NCKAP5: variants seen among roughly 807,000 people sequenced by gnomAD.
NCKAP5 encodes NCK associated protein 5.
Under a neutral mutation model 167.0 loss-of-function variants are expected in NCKAP5, and 92 were observed. That is an observed-to-expected ratio of 0.55 (90% CI 0.47 to 0.66). The LOEUF is 0.66. Ranked by LOEUF, NCKAP5 falls within the 30% of genes least tolerant of loss-of-function variation. The pLI is 0.00. For missense variants in NCKAP5, 2,378 were observed against 2,315.0 expected (o/e 1.03, Z -0.56); for synonymous variants, 891 against 877.4 (o/e 1.02, Z -0.27).
rs111830846 is a variant in NCKAP5, at chr2:133,347,598, T to TATAAC, written c.70-44489_70-44488insGTTAT. 3.4e-3 allele frequency among the ~76,000 whole-genome samples: 510 copies of TATAAC among 149,954 alleles called. 7 individuals carry two copies. The highest frequency in any genetic ancestry group is 0.012 in the African/African-American group (493 of 41,000). ...AAATAATTAATATAATATAATATAA[T>TATAAC]ATAATAAAGTATAAATATTCTACAA... On this transcript the variant is annotated intron_variant, in intron 3 of 19. Transcript: ENST00000409261.
At chr2:132,678,475 G>A (rs1054174529) in intron 19 of NCKAP5, among the ~76,000 whole-genome samples, 6 of 152,116 alleles carry the variant, frequency 3.9e-5, no homozygotes, top group Non-Finnish European at 7.4e-5. Flanking sequence ...CTTAGCACAA[G>A]TTAATGCAAA....
At chr2:133,390,376 C>T (rs111987217) in intron 3 of NCKAP5, among the ~76,000 whole-genome samples, 10 of 152,246 alleles carry the variant, frequency 6.6e-5, no homozygotes, top group African/African-American at 2.2e-4. Flanking sequence ...TATGTGCATA[C>T]CAGGGAGGAC....
intron 5 of NCKAP5, 131 bp downstream of exon 5, chr2:133,213,585 T>A (rs2086298623): frequency 1.2e-6 from 1 of 828,400 alleles, no homozygotes; most frequent in African/African-American, 1.7e-5. Context: ...TATAAATACA[T>A]CATTTGCCAA....
chr2:133,287,956 C>T (rs1027991856), intron 4 of NCKAP5, among the ~76,000 whole-genome samples: 20 of 152,162 alleles, frequency 1.3e-4, no homozygotes, highest in Admixed American at 1.0e-3. Context: ...ATTACAACTT[C>T]CTTTCTCCCA....
intron 4 of NCKAP5, among the ~76,000 whole-genome samples, chr2:133,215,620 G>A (rs560288546): frequency 1.3e-5 from 2 of 152,152 alleles, no homozygotes; most frequent in South Asian, 4.2e-4. Flanking sequence ...GTTACATGAT[G>A]GAATACTATA....
At chr2:133,667,617 C>T in the NCKAP5 span, among the ~76,000 whole-genome samples, 2 of 152,022 alleles carry the variant, frequency 1.3e-5, no homozygotes, top group South Asian at 2.1e-4. Flanking sequence ...GTAGAACTTA[C>T]TTAAAATTTC....
At chr2:133,423,430 C>T (rs1020814926) in intron 3 of NCKAP5, among the ~76,000 whole-genome samples, 2 of 152,198 alleles carry the variant, frequency 1.3e-5, no homozygotes, top group African/African-American at 2.4e-5. Flanking sequence ...TGAAGCTGCA[C>T]CTCAGTCAAG....
chr2:133,492,292 AG>A lies in NCKAP5; in HGVS notation c.69+25165del, dbSNP rs1413759970. Among the ~76,000 whole-genome samples the A allele has an allele frequency of 2.6e-5, 4 of 152,306 alleles. No individual in the cohort carries two copies. The East Asian group carries it at 7.7e-4, about 29-fold the overall frequency. ...ACCACATAAGTGAAATTAGTTTCTC[AG>A]CCTCAATTGTAAAATGGGGATGACA... is the stretch of plus-strand genomic sequence containing the variant. On this transcript the variant is annotated intron_variant, in intron 3 of 19. Coordinates refer to ENST00000409261, the MANE Select transcript of NCKAP5 (RefSeq NM_207363.3).
chr2:132,933,438 A>G (rs1390848523), intron 8 of NCKAP5, among the ~76,000 whole-genome samples: 2 of 152,228 alleles, frequency 1.3e-5, no homozygotes, highest in Non-Finnish European at 2.9e-5. Context: ...GGAATTAAAT[A>G]TATCTATTAG....
chr2:133,250,018 T>TATTATTATTATTATTATG, intron 4 of NCKAP5, among the ~76,000 whole-genome samples: 1 of 147,060 alleles, frequency 6.8e-6, no homozygotes, highest in East Asian at 2.0e-4. Flanking sequence ...TTATTATTAT[T>TATTATTATTATTATTATG]ATTATTATTA....
At chr2:133,319,886 C>T (rs909891697) in intron 3 of NCKAP5, among the ~76,000 whole-genome samples, 4 of 152,094 alleles carry the variant, frequency 2.6e-5, no homozygotes, top group African/African-American at 4.8e-5. Flanking sequence ...GCTATAATAA[C>T]GAATCACACT....
chr2:133,501,634 T>C (rs1158492092), intron 3 of NCKAP5, among the ~76,000 whole-genome samples: 1 of 152,240 alleles, frequency 6.6e-6, no homozygotes, highest in African/African-American at 2.4e-5. Flanking sequence ...GTCGTGTTCA[T>C]TCATTTTTCA....
intron 2 of NCKAP5, among the ~76,000 whole-genome samples, chr2:133,538,690 G>A (rs943401900): frequency 2.0e-5 from 3 of 152,046 alleles, no homozygotes; most frequent in Non-Finnish European, 2.9e-5. Flanking sequence ...ATAAATGTTG[G>A]GAGACAAAGG....
chr2:133,178,580 C>A (rs2150023681), intron 5 of NCKAP5, among the ~76,000 whole-genome samples: 1 of 133,720 alleles, frequency 7.5e-6, no homozygotes, highest in South Asian at 2.4e-4. Flanking sequence ...AATCCCAGAA[C>A]TTTGGGAGGC....
At chr2:133,203,592 G>A (rs2085805727) in intron 5 of NCKAP5, among the ~76,000 whole-genome samples, 2 of 151,970 alleles carry the variant, frequency 1.3e-5, no homozygotes, top group African/African-American at 4.8e-5. Flanking sequence ...TTTGAAAATG[G>A]AACAAACCAG....
At chr2:133,162,349 T>C (rs2083826725) in intron 5 of NCKAP5, among the ~76,000 whole-genome samples, 1 of 152,228 alleles carries the variant, frequency 6.6e-6, no homozygotes, top group African/African-American at 2.4e-5. Flanking sequence ...TGGAAAAACA[T>C]TTTGAATTTA....
intron 5 of NCKAP5, among the ~76,000 whole-genome samples, chr2:133,148,563 C>T (rs1399346701): frequency 6.6e-6 from 1 of 152,084 alleles, no homozygotes; most frequent in Non-Finnish European, 1.5e-5. Context: ...GCTACTATAA[C>T]AAAAATCCTA....
chr2:133,465,425 T>C (rs2151252941), intron 3 of NCKAP5, among the ~76,000 whole-genome samples: 1 of 151,932 alleles, frequency 6.6e-6, no homozygotes, highest in African/African-American at 2.4e-5. Context: ...ACATTTGGGT[T>C]GGTTCCAAGT....
At chr2:133,277,832 C>G (rs2089791515) in intron 4 of NCKAP5, among the ~76,000 whole-genome samples, 2 of 152,076 alleles carry the variant, frequency 1.3e-5, no homozygotes, top group African/African-American at 4.8e-5. Context: ...AGAAATAGAT[C>G]CAATTATCTA....
Sources: allele counts gnomAD v4.1 joint callset (sites outside exome capture counted in the v4.1 genomes callset), GRCh38; gene constraint gnomAD v4.1.1; transcripts MANE v1.5; gene names NCBI Gene and HGNC (gene_info 2026-07-23, HGNC 2026-07-21).